TNS1: variants seen among roughly 807,000 people sequenced by gnomAD.
TNS1 encodes tensin 1, also known as tensin-1.
A neutral mutation model predicts 168.6 loss-of-function variants in TNS1; 62 were observed. The ratio of observed to expected loss-of-function variants is 0.37; its 90% confidence interval spans 0.30 to 0.45. The LOEUF is 0.45. TNS1 is among the 20% of genes least tolerant of loss of function. The pLI is 1.00. For synonymous variants in TNS1, 934 were observed against 933.2 expected, an observed-to-expected ratio of 1.00 and a Z score of -0.02; for missense variants, 2,240 against 2,339.4, an observed-to-expected ratio of 0.96 and a Z score of 0.88.
intron 32 of TNS1, among the ~76,000 whole-genome samples, chr2:217,805,504 C>A (rs1938496095): frequency 3.4e-5 from 2 of 58,210 alleles, no homozygotes; most frequent in Non-Finnish European, 6.0e-5. Flanking sequence ...ACCACACACA[C>A]CACCACACAC....
intron 18 of TNS1, among the ~76,000 whole-genome samples, chr2:217,850,861 C>T (rs1947390124): frequency 6.6e-6 from 1 of 152,086 alleles, no homozygotes; most frequent in Non-Finnish European, 1.5e-5. Flanking sequence ...CACACAAATA[C>T]CAACAACAGT....
At chr2:217,964,000 T>A (rs1266061418) in intron 3 of TNS1, among the ~76,000 whole-genome samples, 1 of 151,936 alleles carries the variant, frequency 6.6e-6, no homozygotes, top group South Asian at 2.1e-4. Context: ...CAGTCCAACC[T>A]TCCTCCCCAC....
chr2:218,000,958 C>A (rs941476739), intron 1 of TNS1, among the ~76,000 whole-genome samples: 2 of 152,122 alleles, frequency 1.3e-5, no homozygotes, highest in Admixed American at 1.3e-4. Flanking sequence ...TCGAGGCCAG[C>A]CTGGCCAACA....
rs1449034558 is a variant in TNS1, at chr2:217,852,154, G to T, written c.1430-3067C>A. ...AGCAAGACTCCATCTCAAAAAAAAA[G>T]AAGAGACCCCAGCCGCCTGTTTCTA... On this transcript the variant is annotated intron_variant, in intron 18 of 32. Coordinates refer to ENST00000682258, the MANE Select transcript of TNS1 (RefSeq NM_001387777.1). Among the ~76,000 whole-genome samples, 7 of 152,108 alleles carry T rather than the reference G, an allele frequency of 4.6e-5. No individual in the cohort carries two copies. The East Asian group carries it at 1.4e-3, about 29-fold the overall frequency.
At chr2:217,849,210 T>A in intron 18 of TNS1, 123 bp from the exon 19 acceptor site, 1 of 1,186,650 alleles carries the variant, frequency 8.4e-7, no homozygotes, top group Non-Finnish European at 1.2e-6. Flanking sequence ...TAAAACCTCC[T>A]CTCACCACCC....
At chr2:218,014,210 C>T (rs898994345), upstream of TNS1, among the ~76,000 whole-genome samples, 8 of 152,190 alleles carry the variant, frequency 5.3e-5, no homozygotes, top group African/African-American at 1.9e-4. Context: ...CTTGCTTTCA[C>T]ACCCACAGAC....
chr2:217,924,484 C>CTA (rs1382580390), intron 3 of TNS1, among the ~76,000 whole-genome samples: 1 of 152,162 alleles, frequency 6.6e-6, no homozygotes, highest in Admixed American at 6.5e-5. Context: ...ACATCTTATC[C>CTA]GTCAAACTAG....
chr2:217,884,349 G>A (rs895419754), intron 16 of TNS1, among the ~76,000 whole-genome samples: 28 of 152,202 alleles, frequency 1.8e-4, no homozygotes, highest in African/African-American at 6.5e-4. Context: ...ATGGATGTGT[G>A]TAAGGATGGA....
intron 1 of TNS1, among the ~76,000 whole-genome samples, chr2:218,016,835 A>G (rs1958765783): frequency 6.6e-6 from 1 of 152,222 alleles, no homozygotes; most frequent in Admixed American, 6.5e-5. Flanking sequence ...GCAGCAGGGC[A>G]GGAGGAACAT....
chr2:217,971,232 A>G (rs1957767409), intron 3 of TNS1, among the ~76,000 whole-genome samples: 1 of 152,126 alleles, frequency 6.6e-6, no homozygotes, highest in Non-Finnish European at 1.5e-5. Flanking sequence ...TTTGCAGCCA[A>G]TCTCCCCACC....
At position 217,885,144 on chromosome 2, in the gene TNS1, C is replaced by T; in HGVS notation, c.1137G>A (p.Lys379=). The part of the protein sequence containing the change: ...GDILLKCYHK[K]FRSPARDVIF... ...TGACGTCTCGGGCTGGGCTTCGGAA[C>T]TTCTTGTGGTAGCACTTCAGCTGGG... The change falls in exon 16 of 33, where the codon AAG becomes AAA. Residue 379 remains lysine, a synonymous_variant. Coordinates refer to ENST00000682258, the MANE Select transcript of TNS1 (RefSeq NM_001387777.1). The T allele has an allele frequency of 6.2e-7, 1 of 1,614,216 alleles. No homozygotes were observed.
chr2:218,015,028 T>G (rs1958745392), upstream of TNS1, among the ~76,000 whole-genome samples: 1 of 152,148 alleles, frequency 6.6e-6, no homozygotes, highest in African/African-American at 2.4e-5. Flanking sequence ...ATTGCCATTT[T>G]CAGGGTTTTG....
chr2:217,867,479 A>G (rs1949379850), intron 18 of TNS1, among the ~76,000 whole-genome samples: 1 of 152,278 alleles, frequency 6.6e-6, no homozygotes, highest in Non-Finnish European at 1.5e-5. Flanking sequence ...AGTTATTAAA[A>G]CATAGTGCAC....
At chr2:217,864,928 G>T (rs1015905847) in intron 18 of TNS1, among the ~76,000 whole-genome samples, 1 of 152,200 alleles carries the variant, frequency 6.6e-6, no homozygotes, top group Admixed American at 6.5e-5. Flanking sequence ...ACGCAGTGGG[G>T]CAGAGATCCA....
chr2:217,965,811 G>A (rs980075781), intron 3 of TNS1, among the ~76,000 whole-genome samples: 22 of 152,076 alleles, frequency 1.4e-4, no homozygotes, highest in African/African-American at 5.3e-4. Flanking sequence ...CAGGGTGGCT[G>A]GTGTGGACCA....
At chr2:217,920,063 T>A (rs1443888997) in intron 4 of TNS1, 132 bp downstream of exon 4, 30 of 676,988 alleles carry the variant, frequency 4.4e-5, no homozygotes, top group South Asian at 4.1e-4. Context: ...CCCAGGGAGG[T>A]CGACCCTCCT....
chr2:217,814,983 G>C lies in TNS1; in HGVS notation c.4658C>G (p.Thr1553Arg), dbSNP rs374445594. Residue 1553 changes from threonine (T) to arginine (R), a missense_variant, in exon 25 of 33, where the codon ACG becomes AGG. Physicochemically the swap from Thr to Arg is moderately conservative, Grantham distance 71 (BLOSUM62 -1). This residue lies in a region of TNS1 where 2,131 missense variants were observed against 2,171.2 expected (regional missense o/e 0.98). Coordinates refer to ENST00000682258, the MANE Select transcript of TNS1 (RefSeq NM_001387777.1). ...KYSMPDNSPETRAKVKFVQDT... is the reference protein window; with the variant it reads ...KYSMPDNSPERRAKVKFVQDT... ...CTGGACAAACTTCACTTTAGCCCGC[G>C]TCTCCGGGCTGTTGTCTAAAGCAGG... is the stretch of plus-strand genomic sequence containing the variant. 1.2e-6 allele frequency: 2 copies of C among 1,612,656 alleles called. No homozygotes were observed. Among genetic ancestry groups the C allele is most frequent in the Middle Eastern group, 3.3e-4 (2 of 6,062 alleles).
chr2:217,877,840 G>A (rs573846203), intron 18 of TNS1, among the ~76,000 whole-genome samples: 1 of 152,164 alleles, frequency 6.6e-6, no homozygotes, highest in Non-Finnish European at 1.5e-5. Flanking sequence ...CAGGCCACAC[G>A]AGAGGATGCA....
At chr2:217,921,413 GC>G (rs1955691349) in intron 3 of TNS1, among the ~76,000 whole-genome samples, 2 of 152,198 alleles carry the variant, frequency 1.3e-5, no homozygotes, top group South Asian at 4.1e-4. Flanking sequence ...CCTCAGCCCA[GC>G]CCCAGCTGGT....
Sources: gnomAD v4.1 joint callset for allele counts (sites outside exome capture counted in the v4.1 genomes callset) on GRCh38, gnomAD v4.1.1 for gene constraint, gnomAD v4.1.1 regional missense constraint, MANE v1.5 for transcripts, NCBI Gene and HGNC (gene_info 2026-07-23, HGNC 2026-07-21) for gene names.